HEATR3: variants seen among roughly 807,000 people sequenced by gnomAD.
HEATR3 encodes HEAT repeat-containing protein 3.
HEATR3 carries 56 observed loss-of-function variants against 72.8 expected under a neutral mutation model. That is an observed-to-expected ratio of 0.77 (90% CI 0.62 to 0.96). The LOEUF (loss-of-function observed/expected upper bound fraction) is 0.96. Among genes scored for constraint, HEATR3 ranks in the 40% least tolerant of loss-of-function variants. The pLI, the probability that HEATR3 is intolerant of heterozygous loss-of-function variation, is 0.00. For missense variants in HEATR3, 747 were observed against 831.4 expected, an observed-to-expected ratio of 0.90 and a Z score of 1.25; for synonymous variants, 331 against 318.1, an observed-to-expected ratio of 1.04 and a Z score of -0.43.
intron 12 of HEATR3, among the ~76,000 whole-genome samples, chr16:50,095,946 TTTC>T (rs1175555642): frequency 6.6e-6 from 1 of 152,156 alleles, no homozygotes; most frequent in Non-Finnish European, 1.5e-5. Context: ...TTAACGGATA[TTTC>T]TTATTATCCT....
intron 9 of HEATR3, 122 bp from the exon 10 acceptor site, chr16:50,084,447 A>G (rs1303811122): frequency 2.6e-6 from 3 of 1,139,366 alleles, no homozygotes; most frequent in East Asian, 4.8e-5. Context: ...GAAATAGGCG[A>G]AAAGGTCATT....
chr16:50,081,295 G>A (rs1368261361), intron 7 of HEATR3, among the ~76,000 whole-genome samples: 1 of 151,974 alleles, frequency 6.6e-6, no homozygotes, highest in Non-Finnish European at 1.5e-5. Flanking sequence ...CAAAAATTAG[G>A]TAGGTGTGGT....
rs181981963 is a variant in HEATR3 at position 50,095,138 on chromosome 16, G to C, written c.1599+345G>C. On this transcript the variant is annotated intron_variant, in intron 12 of 14. Coordinates refer to ENST00000299192, the MANE Select transcript of HEATR3 (RefSeq NM_182922.4). ...TTAAATCTTTTTTTTTTTTGAGACA[G>C]AGTCTTCCTCTGTCGCCCAGGCTGG... 2.2e-3 allele frequency among the ~76,000 whole-genome samples: 336 copies of C among 149,404 alleles called. 4 individuals are homozygous for C. The highest frequency in any genetic ancestry group is 7.6e-3 in the African/African-American group (307 of 40,482).
rs374066132 is a variant in HEATR3, at chr16:50,102,298, C to T, written c.1783C>T (p.Pro595Ser). The change falls in exon 14 of 15, where the codon CCT becomes TCT. Residue 595 changes from proline (P) to serine (S), a missense_variant. By Grantham distance (74) the Pro-to-Ser change is moderately conservative. This residue lies in a region of HEATR3 where 586 missense variants were observed against 708.8 expected (regional missense o/e 0.83). Transcript: ENST00000299192. Reference protein sequence around the residue: ...CFLLEVTTKDPSLVVAGEALD... With the variant: ...CFLLEVTTKDSSLVVAGEALD... ...TCTGCTTGAAGTTACCACCAAAGAT[C>T]CTTCCCTTGTGGTAGCAGGAGAAGC... 4.4e-5 allele frequency: 71 copies of T among 1,613,892 alleles called. No homozygotes were observed. Among genetic ancestry groups the T allele is most frequent in the Non-Finnish European group, 6.0e-5 (71 of 1,179,966 alleles).
rs2036949541 is a variant in HEATR3, at chr16:50,084,685, ATTATT to A, written c.1373+44_1373+48del. ...TCTTCTGCTTTCAAAAACATTTGTC[ATTATT>A]TTATTTTATGAAATGATGGGCTATT... On this transcript the variant is annotated intron_variant, in intron 10 of 14. Transcript: ENST00000299192. 2.7e-6 allele frequency: 4 copies of A among 1,461,300 alleles called. No individual in the cohort carries two copies. In the East Asian group the frequency reaches 9.1e-5, roughly 33 times the overall value. 90.5% of individuals were successfully genotyped at this position (1,461,300 alleles called of 1,614,324 possible).
chr16:50,077,383 G>A (rs942980094), intron 6 of HEATR3, among the ~76,000 whole-genome samples: 2 of 147,608 alleles, frequency 1.4e-5, no homozygotes, highest in Non-Finnish European at 3.0e-5. Flanking sequence ...TCAAACTCCT[G>A]AGCTCTTGTA....
chr16:50,065,980 C>T lies in HEATR3; in HGVS notation c.-152C>T. 1.9e-6 allele frequency: 1 copy of T among 534,034 alleles called. No homozygotes were observed. Among genetic ancestry groups the T allele is most frequent in the South Asian group, 3.5e-5 (1 of 28,338 alleles). 33.1% of individuals were successfully genotyped at this position (534,034 alleles called of 1,614,324 possible). The stretch of plus-strand genomic sequence containing the variant: ...CAACCCCGACCCGGCAGACGACGCG[C>T]CGTGCGCCTGCGCACGGCTTGCCCA... On this transcript the variant is annotated 5_prime_UTR_variant, in exon 1 of 15. Coordinates refer to ENST00000299192, the MANE Select transcript of HEATR3 (RefSeq NM_182922.4).
rs1279873807 is a variant in HEATR3 at position 50,107,040 on chromosome 16, A to C, written c.*1979A>C. ...TTTCAGCTAAATGATTGGCCCAAGC[A>C]TGTCTCCTTGGAGAACGACTCTTCC... On this transcript the variant is annotated 3_prime_UTR_variant, in exon 15 of 15. Coordinates refer to ENST00000299192, the MANE Select transcript of HEATR3 (RefSeq NM_182922.4). 6.6e-6 allele frequency among the ~76,000 whole-genome samples: 1 copy of C among 152,200 alleles called. No homozygotes were observed. The highest frequency in any genetic ancestry group is 1.5e-5 in the Non-Finnish European group (1 of 68,046).
In HEATR3 at chr16:50,078,727, T is replaced by A. The variant is rs1017333477; in HGVS notation, c.764-14T>A. The A allele has an allele frequency of 8.1e-6, 13 of 1,601,550 alleles. No homozygotes were observed. Among genetic ancestry groups the A allele is most frequent in the Non-Finnish European group, 1.0e-5 (12 of 1,174,590 alleles). On this transcript the variant is annotated splice_polypyrimidine_tract_variant and intron_variant, in intron 6 of 14. Coordinates refer to ENST00000299192, the MANE Select transcript of HEATR3 (RefSeq NM_182922.4). ...CACAGGCATTTCTTATCCTTATGCT[T>A]GTTTTTTTCCCAGGCACAATTTGGA... is the stretch of plus-strand genomic sequence containing the variant.
At position 50,066,417 on chromosome 16, in the gene HEATR3, C is replaced by CCGGCTGGTGCAGCAGCGGCCGGCA; in HGVS notation, c.191_214dup (p.Arg64_Ala71dup). On this transcript the variant is annotated inframe_insertion, in exon 2 of 15. Transcript: ENST00000299192. Reference sequence around the variant, plus strand: ...GCGAGTGCGCCTGCGCAGGGCTGGCCCGGCTGGTGCAGCAGCGGCCGGCAC... The same window carrying CCGGCTGGTGCAGCAGCGGCCGGCA: ...GCGAGTGCGCCTGCGCAGGGCTGGCCCGGCTGGTGCAGCAGCGGCCGGCACGGCTGGTGCAGCAGCGGCCGGCAC... The CCGGCTGGTGCAGCAGCGGCCGGCA allele has an allele frequency of 6.6e-7, 1 of 1,514,772 alleles. No homozygotes were observed. The allele number at this position is 1,514,772 out of a possible 1,614,324, so 93.8% of individuals were successfully genotyped here. A position where few individuals can be genotyped will look rare whatever the true frequency, so the allele number is the denominator to read the frequency against.
At chr16:50,096,129 A>T (rs914952574) in intron 12 of HEATR3, among the ~76,000 whole-genome samples, 2 of 151,928 alleles carry the variant, frequency 1.3e-5, no homozygotes, top group African/African-American at 4.8e-5. Context: ...AGTCAAGACC[A>T]GCCTGGCCAA....
At chr16:50,085,644 T>C (rs2036970952) in intron 10 of HEATR3, among the ~76,000 whole-genome samples, 1 of 151,252 alleles carries the variant, frequency 6.6e-6, no homozygotes, top group Non-Finnish European at 1.5e-5. Flanking sequence ...AAGAAAATTA[T>C]AATTTTAAGG....
chr16:50,078,667 C>T, intron 6 of HEATR3, 74 bp from the exon 7 acceptor site: 3 of 1,445,254 alleles, frequency 2.1e-6, no homozygotes, highest in Admixed American at 2.4e-5. Context: ...TTAAAAGCTC[C>T]AGTCTTGTGA....
intron 7 of HEATR3, chr16:50,080,101 G>C (rs1329525046): frequency 6.6e-6 from 1 of 152,444 alleles, no homozygotes; most frequent in Non-Finnish European, 1.5e-5. Flanking sequence ...AGGAGGACCA[G>C]TCAGGAGGCT....
At chr16:50,103,121 G>GA (rs1000329303) in intron 14 of HEATR3, among the ~76,000 whole-genome samples, 25 of 151,964 alleles carry the variant, frequency 1.6e-4, no homozygotes, top group African/African-American at 5.8e-4. Context: ...TGCAAGATAA[G>GA]AAAAAAATAT....
At chr16:50,091,217 A>G (rs775161824) in intron 11 of HEATR3, among the ~76,000 whole-genome samples, 1 of 152,186 alleles carries the variant, frequency 6.6e-6, no homozygotes, top group Non-Finnish European at 1.5e-5. Flanking sequence ...CTGTAATCCC[A>G]GCACTTTGGG....
intron 11 of HEATR3, among the ~76,000 whole-genome samples, chr16:50,092,810 G>A (rs1024937136): frequency 6.6e-5 from 10 of 152,188 alleles, no homozygotes; most frequent in Non-Finnish European, 1.3e-4. Flanking sequence ...TGGTAGGGAT[G>A]CAGGCGTGAA....
chr16:50,084,798 C>T (rs1597156658), intron 10 of HEATR3, 147 bp downstream of exon 10: 1 of 616,330 alleles, frequency 1.6e-6, no homozygotes, highest in East Asian at 2.7e-5. Flanking sequence ...CCCACATGCC[C>T]TAGAATACAT....
At chr16:50,067,939 A>G (rs1403919825) in intron 2 of HEATR3, among the ~76,000 whole-genome samples, 1 of 152,214 alleles carries the variant, frequency 6.6e-6, no homozygotes, top group Non-Finnish European at 1.5e-5. Flanking sequence ...ATGAATGGTA[A>G]TGACAAAGGG....
Sources: allele counts gnomAD v4.1 joint callset (sites outside exome capture counted in the v4.1 genomes callset), GRCh38; gene constraint gnomAD v4.1.1; regional missense constraint gnomAD v4.1.1; transcripts MANE v1.5; gene names NCBI Gene and HGNC (gene_info 2026-07-23, HGNC 2026-07-21).